Variants in ZNF385D observed in about 807,000 individuals in gnomAD.
ZNF385D encodes the protein zinc finger protein 385D.
ZNF385D carries 15 observed loss-of-function variants against 35.8 expected under a neutral mutation model. The observed-to-expected ratio is 0.42, with a 90% CI of 0.28 to 0.64. The LOEUF (loss-of-function observed/expected upper bound fraction) is 0.64. Among genes scored for constraint, ZNF385D ranks in the 30% least tolerant of loss-of-function variants. The pLI, the probability that ZNF385D is intolerant of heterozygous loss-of-function variation, is 0.23. For missense variants in ZNF385D, 474 were observed against 494.6 expected, an observed-to-expected ratio of 0.96 and a Z score of 0.39; for synonymous variants, 212 against 186.8, an observed-to-expected ratio of 1.13 and a Z score of -1.10.
At chr3:22,188,981 T>C (rs910040240) in intron 2 of ZNF385D, among the ~76,000 whole-genome samples, 1 of 152,180 alleles carries the variant, frequency 6.6e-6, no homozygotes, top group Non-Finnish European at 1.5e-5. Flanking sequence ...TACGCTGATT[T>C]AGAGCAAGTT....
At chr3:22,112,768 T>G (rs1702600522) in intron 3 of ZNF385D, among the ~76,000 whole-genome samples, 1 of 152,060 alleles carries the variant, frequency 6.6e-6, no homozygotes, top group Admixed American at 6.6e-5. Context: ...TTGAATGGAA[T>G]GTCAAGAAAT....
chr3:21,665,000 C>G lies in ZNF385D; in HGVS notation c.51G>C (p.Pro17=), dbSNP rs769275058. 1 of 1,612,602 alleles carries G rather than the reference C, an allele frequency of 6.2e-7. No homozygotes were observed. Among genetic ancestry groups the G allele is most frequent in the Admixed American group, 1.7e-5 (1 of 59,876 alleles). The change falls in exon 2 of 8, where the codon CCG becomes CCC. Residue 17 remains proline (P), a synonymous_variant. Transcript: ENST00000281523. ...GAGGGGCTGGTGGACGGACAAGGGC[C>G]GGGAGAGCAGGACTCTGGCATGTAC... ...FGGTCQSPAL[P]ALVRPPAPPL... is the part of the protein sequence containing the mutation.
intron 3 of ZNF385D, among the ~76,000 whole-genome samples, chr3:22,032,414 C>G (rs1429872924): frequency 6.6e-6 from 1 of 152,176 alleles, no homozygotes; most frequent in Non-Finnish European, 1.5e-5. Context: ...ACTATCGGAT[C>G]TCATGAGAAC....
At chr3:21,846,759 T>C (rs945320664) in intron 3 of ZNF385D, among the ~76,000 whole-genome samples, 2 of 152,008 alleles carry the variant, frequency 1.3e-5, no homozygotes, top group African/African-American at 4.8e-5. Flanking sequence ...AGAAGTGGCT[T>C]TCTAGCGGCT....
At chr3:21,876,116 G>A (rs1008231221) in intron 3 of ZNF385D, among the ~76,000 whole-genome samples, 5 of 152,156 alleles carry the variant, frequency 3.3e-5, no homozygotes, top group Non-Finnish European at 7.4e-5. Flanking sequence ...TTTAAGCTGT[G>A]ATATCAGGAA....
At chr3:21,764,717 C>A (rs2070754072) in intron 3 of ZNF385D, among the ~76,000 whole-genome samples, 1 of 152,104 alleles carries the variant, frequency 6.6e-6, no homozygotes, top group South Asian at 2.1e-4. Context: ...CCCAGTTTAG[C>A]CCTCAAATGA....
chr3:21,570,316 T>C (rs931144568), intron 2 of ZNF385D, among the ~76,000 whole-genome samples: 1 of 152,162 alleles, frequency 6.6e-6, no homozygotes, highest in Non-Finnish European at 1.5e-5. Context: ...CTGGGGATTC[T>C]GTTAAATTGA....
In ZNF385D at chr3:21,968,583, G is replaced by A. The variant is rs1024327492; in HGVS notation, c.325+200234C>T. Among the ~76,000 whole-genome samples the A allele has an allele frequency of 2.0e-5, 3 of 152,110 alleles. No homozygotes were observed. The East Asian group carries it at 5.8e-4, about 29-fold the overall frequency. ...TCTTGAATACCCGTTTCAGGCCCTAGCTGTCATACTTTATTTCTAGACACA... is the reference window on the plus strand; with the variant it reads ...TCTTGAATACCCGTTTCAGGCCCTAACTGTCATACTTTATTTCTAGACACA... On this transcript the variant is annotated intron_variant, in intron 3 of 5. Coordinates refer to the ZNF385D transcript ENST00000494108.
intron 2 of ZNF385D, among the ~76,000 whole-genome samples, chr3:22,275,989 G>A (rs1014042559): frequency 6.6e-6 from 1 of 152,046 alleles, no homozygotes; most frequent in African/African-American, 2.4e-5. Context: ...GGAGGCTGAG[G>A]CACAAAAATC....
At position 21,486,176 on chromosome 3, in the gene ZNF385D, C is replaced by T. The variant is rs575555064; in HGVS notation, c.439+24685G>A. On this transcript the variant is annotated intron_variant, in intron 4 of 7. Coordinates refer to ENST00000281523, the MANE Select transcript of ZNF385D (RefSeq NM_024697.3). ...TTATCTAGAGAGTCACAAATTCAGC[C>T]GATGACCAGCTGAGTGGAAGTGATG... 6.5e-5 allele frequency among the ~76,000 whole-genome samples: 9 copies of T among 137,718 alleles called. No individual in the cohort carries two copies. The East Asian group carries it at 1.4e-3, about 22-fold the overall frequency. The allele number at this position is 137,718 out of a possible 152,430, so 90.3% of individuals were successfully genotyped here. A position where few individuals can be genotyped will look rare whatever the true frequency, so the allele number is the denominator to read the frequency against.
At chr3:21,746,338 T>G (rs2069769446) in intron 1 of ZNF385D, among the ~76,000 whole-genome samples, 1 of 152,208 alleles carries the variant, frequency 6.6e-6, no homozygotes. Context: ...AATTTAAGGA[T>G]GTGATAAGGA....
chr3:21,481,515 G>C (rs928298023), intron 4 of ZNF385D, among the ~76,000 whole-genome samples: 5 of 152,078 alleles, frequency 3.3e-5, no homozygotes, highest in African/African-American at 7.2e-5. Flanking sequence ...AGATAGACCA[G>C]TCTACCTTCA....
intron 3 of ZNF385D, among the ~76,000 whole-genome samples, chr3:22,162,527 A>C (rs1706028521): frequency 6.6e-6 from 1 of 152,156 alleles, no homozygotes. Flanking sequence ...TTCTGAGGGC[A>C]GCTCTGAGTT....
chr3:22,200,058 G>C (rs1036546921), intron 2 of ZNF385D, among the ~76,000 whole-genome samples: 3 of 152,032 alleles, frequency 2.0e-5, no homozygotes, highest in Non-Finnish European at 4.4e-5. Context: ...GAAAGGTTAA[G>C]ATCATACAAG....
In ZNF385D at chr3:21,461,294, T is replaced by C. The variant is rs533135912; in HGVS notation, c.440-24091A>G. ...AGGCCTGGCACAGTGGCTATGCTTG[T>C]AATCTCAGCACTTTGGGAGGCTGAG... On this transcript the variant is annotated intron_variant, in intron 4 of 7. Coordinates refer to ENST00000281523, the MANE Select transcript of ZNF385D (RefSeq NM_024697.3). 2.1e-4 allele frequency among the ~76,000 whole-genome samples: 32 copies of C among 152,314 alleles called. No individual in the cohort carries two copies. In the East Asian group the frequency reaches 6.2e-3, roughly 29 times the overall value.
At chr3:21,773,996 A>G (rs1237156405) in intron 3 of ZNF385D, among the ~76,000 whole-genome samples, 1 of 152,068 alleles carries the variant, frequency 6.6e-6, no homozygotes, top group Non-Finnish European at 1.5e-5. Context: ...ACTATTCACA[A>G]TAGTCAAGAC....
At chr3:21,741,806 G>A (rs2069528591) in intron 1 of ZNF385D, among the ~76,000 whole-genome samples, 1 of 152,104 alleles carries the variant, frequency 6.6e-6, no homozygotes. Flanking sequence ...TCTTGCAGGG[G>A]AAAGAGTATG....
At chr3:22,282,812 A>G (rs1701832670) in intron 2 of ZNF385D, among the ~76,000 whole-genome samples, 1 of 152,110 alleles carries the variant, frequency 6.6e-6, no homozygotes, top group African/African-American at 2.4e-5. Context: ...AAATAGCATG[A>G]TGAATAGAAT....
chr3:21,467,076 G>C (rs2216894), intron 4 of ZNF385D, among the ~76,000 whole-genome samples: 1 of 152,072 alleles, frequency 6.6e-6, no homozygotes, highest in Non-Finnish European at 1.5e-5. Context: ...TGATGGAGTA[G>C]GTAGTTTATT....
Sources: allele counts gnomAD v4.1 joint callset (sites outside exome capture counted in the v4.1 genomes callset), GRCh38; gene constraint gnomAD v4.1.1; transcripts MANE v1.5; gene names NCBI Gene and HGNC (gene_info 2026-07-23, HGNC 2026-07-21).